NCOA2: variants seen among roughly 807,000 people sequenced by gnomAD.
NCOA2 encodes the protein nuclear receptor coactivator 2.
A neutral mutation model predicts 145.1 loss-of-function variants in NCOA2; 21 were observed. That is an observed-to-expected ratio of 0.14 (90% CI 0.10 to 0.21). The LOEUF (loss-of-function observed/expected upper bound fraction) is 0.21, where lower values mean the gene tolerates loss of function less well. Among genes scored for constraint, NCOA2 ranks in the 10% least tolerant of loss-of-function variants. NCOA2 has a pLI of 1.00. For synonymous variants in NCOA2, 619 were observed against 637.5 expected (o/e 0.97, Z 0.44); for missense variants, 1,472 against 1,837.6 (o/e 0.80, Z 3.64).
chr8:70,361,423 G>A (rs1028627061), intron 1 of NCOA2, among the ~76,000 whole-genome samples: 1 of 151,376 alleles, frequency 6.6e-6, no homozygotes, highest in Non-Finnish European at 1.5e-5. Flanking sequence ...TTGAACCCAG[G>A]AGGCTCACTG....
chr8:70,431,054 C>T, the NCOA2 span, among the ~76,000 whole-genome samples: 2 of 152,198 alleles, frequency 1.3e-5, no homozygotes, highest in South Asian at 4.1e-4. Flanking sequence ...GACATTAAAA[C>T]ACTAAACTCT....
chr8:70,214,885 G>A (rs1206929277), intron 3 of NCOA2, among the ~76,000 whole-genome samples: 1 of 151,980 alleles, frequency 6.6e-6, no homozygotes, highest in Non-Finnish European at 1.5e-5. Flanking sequence ...ATACAATAAG[G>A]AAGAAAAGCA....
At chr8:70,264,299 C>T (rs1466471699) in intron 2 of NCOA2, among the ~76,000 whole-genome samples, 1 of 151,848 alleles carries the variant, frequency 6.6e-6, no homozygotes, top group Admixed American at 6.6e-5. Flanking sequence ...AGGAGGATCG[C>T]CTGAGGCCAA....
chr8:70,410,393 A>T, the NCOA2 span, among the ~76,000 whole-genome samples: 3 of 152,182 alleles, frequency 2.0e-5, no homozygotes, highest in African/African-American at 7.2e-5. Flanking sequence ...ATGAGAACAG[A>T]TGTTCACCAA....
At chr8:70,170,062 T>C (rs190738049) in intron 6 of NCOA2, 140 bp downstream of exon 6, 4 of 794,874 alleles carry the variant, frequency 5.0e-6, no homozygotes, top group African/African-American at 3.6e-5. Flanking sequence ...CAAGCATCTG[T>C]AAAAAACTAC....
At chr8:70,306,024 G>A (rs1827860513) in intron 1 of NCOA2, among the ~76,000 whole-genome samples, 1 of 152,202 alleles carries the variant, frequency 6.6e-6, no homozygotes, top group African/African-American at 2.4e-5. Context: ...TGGCCCTACT[G>A]TGTGAGACTA....
intron 4 of NCOA2, among the ~76,000 whole-genome samples, chr8:70,197,161 C>T (rs191042352): frequency 7.9e-5 from 12 of 152,286 alleles, no homozygotes; most frequent in South Asian, 2.1e-4. Flanking sequence ...TAGTATTAGA[C>T]TTTATTTAAA....
intron 1 of NCOA2, among the ~76,000 whole-genome samples, chr8:70,354,544 A>C (rs368067949): frequency 3.3e-5 from 5 of 152,228 alleles, no homozygotes; most frequent in African/African-American, 9.6e-5. Flanking sequence ...CTACAGTCTG[A>C]AACTCATACA....
chr8:70,250,964 T>C (rs1013170860), intron 2 of NCOA2, among the ~76,000 whole-genome samples: 17 of 152,226 alleles, frequency 1.1e-4, no homozygotes, highest in Non-Finnish European at 1.5e-4. Flanking sequence ...ATTTCATAAA[T>C]AGTAAGATAG....
At position 70,166,548 on chromosome 8, in the gene NCOA2, C is replaced by A; in HGVS notation, c.730+18G>T. The A allele has an allele frequency of 6.2e-7, 1 of 1,611,630 alleles. No homozygotes were observed. Among genetic ancestry groups the A allele is most frequent in the Middle Eastern group, 1.7e-4 (1 of 6,054 alleles). On this transcript the variant is annotated intron_variant, in intron 7 of 22. Coordinates refer to ENST00000452400, the MANE Select transcript of NCOA2 (RefSeq NM_006540.4). ...TAAATACACAGACACACAGAACACC[C>A]TAGGGATTCTGTCCCACCTTCTCCT...
chr8:70,124,206 G>GGCTT, intron 20 of NCOA2, 124 bp from the exon 21 acceptor site: 1 of 874,246 alleles, frequency 1.1e-6, no homozygotes, highest in South Asian at 2.0e-5. Context: ...CATGAACCCA[G>GGCTT]GCTGAGACAG....
chr8:70,262,403 T>C (rs1175889100), intron 2 of NCOA2, among the ~76,000 whole-genome samples: 5 of 152,220 alleles, frequency 3.3e-5, no homozygotes, highest in South Asian at 2.1e-4. Context: ...AGTTACCATA[T>C]GGATTTTTAA....
intron 1 of NCOA2, among the ~76,000 whole-genome samples, chr8:70,369,448 C>T (rs1811015288): frequency 6.6e-6 from 1 of 152,098 alleles, no homozygotes; most frequent in Non-Finnish European, 1.5e-5. Context: ...GAAATTACTC[C>T]CATCATAATA....
At chr8:70,310,346 CAAA>C (rs34849703) in intron 1 of NCOA2, among the ~76,000 whole-genome samples, 2 of 72,444 alleles carry the variant, frequency 2.8e-5, no homozygotes, top group African/African-American at 4.9e-5. Context: ...TCTGTCTTCC[CAAA>C]AAAAAAAAAA....
At chr8:70,300,602 A>G (rs1031690781) in intron 1 of NCOA2, among the ~76,000 whole-genome samples, 26 of 152,178 alleles carry the variant, frequency 1.7e-4, no homozygotes, top group African/African-American at 5.5e-4. Flanking sequence ...TGTGTAGGTT[A>G]ATGGCAGGGC....
chr8:70,294,635 T>C (rs966363506), intron 2 of NCOA2, among the ~76,000 whole-genome samples: 3 of 152,220 alleles, frequency 2.0e-5, no homozygotes, highest in South Asian at 2.1e-4. Flanking sequence ...TCTTCAAATA[T>C]GAATATGATT....
At chr8:70,398,105 G>A (rs868255428) in intron 1 of NCOA2, among the ~76,000 whole-genome samples, 16 of 152,042 alleles carry the variant, frequency 1.1e-4, no homozygotes, top group Admixed American at 1.3e-4. Context: ...ACGACTAAAC[G>A]ATAAAATGAA....
chr8:70,219,372 A>G (rs192455647), intron 2 of NCOA2, among the ~76,000 whole-genome samples: 1 of 152,306 alleles, frequency 6.6e-6, no homozygotes, highest in African/African-American at 2.4e-5. Flanking sequence ...GGCTTGATGA[A>G]CATAATTGCT....
chr8:70,160,753 A>G (rs1812892083), intron 9 of NCOA2, among the ~76,000 whole-genome samples: 1 of 151,390 alleles, frequency 6.6e-6, no homozygotes. Flanking sequence ...ACTTTAAGCA[A>G]TTTGTCTAAT....
Sources: allele counts gnomAD v4.1 joint callset (sites outside exome capture counted in the v4.1 genomes callset), GRCh38; gene constraint gnomAD v4.1.1; transcripts MANE v1.5; gene names NCBI Gene and HGNC (gene_info 2026-07-23, HGNC 2026-07-21).